OTUD5: variants seen among roughly 807,000 people sequenced by gnomAD.
OTUD5 encodes the protein OTU deubiquitinase 5.
In OTUD5, 2 loss-of-function variants were observed where a neutral mutation model predicts 36.3. That is an observed-to-expected ratio of 0.06 (90% CI 0.02 to 0.17). The LOEUF is 0.17. Ranked by LOEUF, OTUD5 falls within the 10% of genes least tolerant of loss-of-function variation. The pLI is 1.00. For synonymous variants in OTUD5, 234 were observed against 214.9 expected, an observed-to-expected ratio of 1.09 and a Z score of -0.78; for missense variants, 233 against 512.3, an observed-to-expected ratio of 0.45 and a Z score of 5.26.
chrX:48,926,374 G>A (rs1164276397), intron 5 of OTUD5, among the ~76,000 whole-genome samples: 1 of 105,439 alleles, frequency 9.5e-6, no homozygotes, highest in Admixed American at 1.0e-4. Context: ...TTTCTGAGAC[G>A]AAGTATCGCT....
chrX:48,949,550 C>G (rs1355990401), intron 1 of OTUD5, among the ~76,000 whole-genome samples: 2 of 110,978 alleles, frequency 1.8e-5, no homozygotes, highest in Non-Finnish European at 1.9e-5. Flanking sequence ...TGGTAGCAGG[C>G]GCCTGTAATC....
chrX:48,935,087 T>A, intron 2 of OTUD5, 69 bp from the exon 3 acceptor site: 1 of 999,464 alleles, frequency 1.0e-6, no homozygotes, highest in South Asian at 2.0e-5. Context: ...TCATAGAACA[T>A]CCTTTGGGGA....
chrX:48,940,401 T>C (rs1332050254), intron 2 of OTUD5: 1 of 113,151 alleles, frequency 8.8e-6, no homozygotes, highest in Admixed American at 9.5e-5. Context: ...TAGGGTAGGG[T>C]CTTGGCTTTC....
chrX:48,945,712 T>G (rs1157283456), intron 1 of OTUD5, among the ~76,000 whole-genome samples: 1 of 111,187 alleles, frequency 9.0e-6, no homozygotes, highest in African/African-American at 3.3e-5. Flanking sequence ...CCTCAGACCC[T>G]GCTGGAGGTG....
chrX:48,945,744 C>T (rs1181577679), intron 1 of OTUD5, among the ~76,000 whole-genome samples: 2 of 111,286 alleles, frequency 1.8e-5, no homozygotes, highest in Non-Finnish European at 3.8e-5. Context: ...AAAGTATACA[C>T]ACCAGGTAAG....
chrX:48,951,072 G>C (rs782487759), intron 1 of OTUD5, among the ~76,000 whole-genome samples: 1 of 97,666 alleles, frequency 1.0e-5, no homozygotes, highest in African/African-American at 3.8e-5. Flanking sequence ...CAGGGGCCTG[G>C]AATCTCCCTT....
At chrX:48,929,281 G>A (rs1022993363) in intron 5 of OTUD5, among the ~76,000 whole-genome samples, 2 of 110,436 alleles carry the variant, frequency 1.8e-5, no homozygotes, top group East Asian at 2.8e-4. Context: ...CCAGCTACTC[G>A]GGAGGCAGAG....
At chrX:48,938,609 GC>G (rs1181161241) in intron 2 of OTUD5, among the ~76,000 whole-genome samples, 1 of 110,078 alleles carries the variant, frequency 9.1e-6, no homozygotes, top group Non-Finnish European at 1.9e-5. Flanking sequence ...CAGAAAAATC[GC>G]TTGAACCCGG....
chrX:48,938,174 T>C (rs2063859409), intron 2 of OTUD5, among the ~76,000 whole-genome samples: 1 of 111,792 alleles, frequency 8.9e-6, no homozygotes, highest in Non-Finnish European at 1.9e-5. Flanking sequence ...TGATATGGTA[T>C]AACATGTACC....
intron 1 of OTUD5, among the ~76,000 whole-genome samples, chrX:48,948,375 CAAAAAACA>C (rs2064069844): frequency 9.0e-6 from 1 of 111,155 alleles, no homozygotes; most frequent in Admixed American, 9.5e-5. Context: ...AAAAACAAAA[CAAAAAACA>C]AAAAAACAAA....
chrX:48,957,402 C>T lies in OTUD5; in HGVS notation c.169G>A (p.Val57Met), dbSNP rs1557055896. Residue 57 changes from valine to methionine, a missense_variant, in exon 1 of 9, where the codon GTG (valine) becomes ATG (methionine). Physicochemically the swap from Val to Met is conservative, Grantham distance 21. Coordinates refer to ENST00000376488, the MANE Select transcript of OTUD5 (RefSeq NM_001136157.2). ...GGDRDRDSGV[V>M]GARPRASPPP... ...GGCGAAGCTCGCGGACGGGCCCCCA[C>T]GACGCCGGAGTCACGGTCGCGATCG... 2.7e-6 allele frequency: 3 copies of T among 1,095,800 alleles called. No individual in the cohort carries two copies. Among genetic ancestry groups the T allele is most frequent in the Non-Finnish European group, 3.6e-6 (3 of 844,931 alleles). 90.3% of individuals were successfully genotyped at this position (1,095,800 alleles called of 1,213,427 possible).
Position 48,923,646 on chromosome X carries a change from G to A in OTUD5, c.1566C>T (p.Ser522=), listed in dbSNP as rs782453996. 3.3e-6 allele frequency: 4 copies of A among 1,197,355 alleles called. No homozygotes were observed. The highest frequency in any genetic ancestry group is 4.5e-6 in the Non-Finnish European group (4 of 883,678). ...AAGGAGGCTTACCAAAGGCAGAGGG[G>A]GACATCTGCTGAATGAGGGCCCGGC... ...LECRALIQQM[S]PSAFGLNDWD... The change falls in exon 8 of 9, where the codon TCC becomes TCT. Residue 522 remains serine, a synonymous_variant. Transcript: ENST00000376488.
At chrX:48,934,675 C>T in intron 4 of OTUD5, 36 bp downstream of exon 4, 1 of 1,205,672 alleles carries the variant, frequency 8.3e-7, no homozygotes, top group Non-Finnish European at 1.1e-6. Context: ...TCGAATGAGG[C>T]ACCATCTTTC....
At chrX:48,925,212 A>G (rs1295090626) in intron 6 of OTUD5, among the ~76,000 whole-genome samples, 3 of 97,314 alleles carry the variant, frequency 3.1e-5, no homozygotes, top group Non-Finnish European at 6.0e-5. Context: ...TGGGAGGCGG[A>G]GCTTGCAGTG....
chrX:48,933,416 C>CTT (rs61012379), intron 5 of OTUD5, among the ~76,000 whole-genome samples: 2 of 90,718 alleles, frequency 2.2e-5, no homozygotes, highest in Non-Finnish European at 4.5e-5. Flanking sequence ...ATATTTGTAA[C>CTT]TTTTTTTTTT....
At chrX:48,948,663 T>C (rs782795513) in intron 1 of OTUD5, among the ~76,000 whole-genome samples, 1 of 109,633 alleles carries the variant, frequency 9.1e-6, no homozygotes, top group African/African-American at 3.3e-5. Flanking sequence ...GCCTGAGGAG[T>C]TTGGGCTCTG....
chrX:48,945,814 T>A (rs1156966584), intron 1 of OTUD5, among the ~76,000 whole-genome samples: 2 of 111,081 alleles, frequency 1.8e-5, no homozygotes, highest in Non-Finnish European at 3.8e-5. Context: ...AAGGTTCAAC[T>A]TAAATGAACC....
At position 48,923,162 on chromosome X, in the gene OTUD5, C is replaced by T. The variant is rs782066224; in HGVS notation, c.*12G>A. ...TGGGGTTGGGAGATGGTGTCCAATCCCTGGGTCTCCATCAACTCTTGTCTG... is the reference window on the plus strand; with the variant it reads ...TGGGGTTGGGAGATGGTGTCCAATCTCTGGGTCTCCATCAACTCTTGTCTG... On this transcript the variant is annotated 3_prime_UTR_variant, in exon 9 of 9. Coordinates refer to ENST00000376488, the MANE Select transcript of OTUD5 (RefSeq NM_001136157.2). The T allele has an allele frequency of 8.3e-7, 1 of 1,209,807 alleles. No homozygotes were observed. The highest frequency in any genetic ancestry group is 1.8e-5 in the South Asian group (1 of 56,916).
rs2063981541 is a variant in OTUD5, at chrX:48,944,135, T to C, written c.688+55A>G. On this transcript the variant is annotated intron_variant, in intron 2 of 8. Coordinates refer to ENST00000376488, the MANE Select transcript of OTUD5 (RefSeq NM_001136157.2). ...TGTCTCAGGGGCTATTCCTGATAAC[T>C]GGGACACAGCTTAGGGGCAGCCCTA... 9.1e-6 allele frequency: 8 copies of C among 874,682 alleles called. No individual in the cohort carries two copies. In the Admixed American group the frequency reaches 1.6e-4, roughly 18 times the overall value. 72.1% of individuals were successfully genotyped at this position (874,682 alleles called of 1,213,427 possible).
Sources: allele counts gnomAD v4.1 joint callset (sites outside exome capture counted in the v4.1 genomes callset), GRCh38; gene constraint gnomAD v4.1.1; transcripts MANE v1.5; gene names NCBI Gene and HGNC (gene_info 2026-07-23, HGNC 2026-07-21).